TGS1: variants seen among roughly 807,000 people sequenced by gnomAD.
TGS1 encodes trimethylguanosine synthase 1.
TGS1 carries 69 observed loss-of-function variants against 92.2 expected under a neutral mutation model. The observed-to-expected ratio is 0.75, with a 90% CI of 0.62 to 0.91. The LOEUF (loss-of-function observed/expected upper bound fraction) is 0.91. Ranked by LOEUF, TGS1 falls within the 40% of genes least tolerant of loss-of-function variation. The pLI is 0.00. For synonymous variants in TGS1, 345 were observed against 338.1 expected (o/e 1.02, Z -0.22); for missense variants, 1,062 against 1,001.2 (o/e 1.06, Z -0.82).
intron 12 of TGS1, among the ~76,000 whole-genome samples, chr8:55,820,210 G>T (rs771287444): frequency 5.3e-5 from 8 of 151,900 alleles, no homozygotes; most frequent in Non-Finnish European, 7.4e-5. Context: ...TCTCTCATTC[G>T]GTTATCGTGC....
intron 1 of TGS1, among the ~76,000 whole-genome samples, chr8:55,777,897 T>C (rs1811444393): frequency 2.0e-5 from 1 of 49,264 alleles, no homozygotes. Context: ...GTCAGAATAA[T>C]TTAAATTTTT....
intron 1 of TGS1, among the ~76,000 whole-genome samples, chr8:55,781,332 C>T (rs79132444): frequency 2.0e-5 from 3 of 151,974 alleles, no homozygotes; most frequent in South Asian, 2.1e-4. Flanking sequence ...GCCCACCTTG[C>T]TTTTAAATAA....
Position 55,805,055 on chromosome 8 carries a change from A to C in TGS1, c.2143+19A>C, listed in dbSNP as rs1355850908. ...ATGAGAGGTAATTAGCCATCAATGG[A>C]AGTGAACTATTTTATGTCCAGTTAA... On this transcript the variant is annotated intron_variant, in intron 10 of 12. Coordinates refer to ENST00000260129, the MANE Select transcript of TGS1 (RefSeq NM_024831.8). 1.9e-6 allele frequency: 3 copies of C among 1,611,064 alleles called. No homozygotes were observed. The highest frequency in any genetic ancestry group is 2.5e-6 in the Non-Finnish European group (3 of 1,178,072).
intron 1 of TGS1, among the ~76,000 whole-genome samples, chr8:55,779,139 T>C (rs2130102766): frequency 6.6e-6 from 1 of 152,310 alleles, no homozygotes; most frequent in South Asian, 2.1e-4. Flanking sequence ...TTATGCTCTG[T>C]GGATTAAGGT....
chr8:55,776,986 T>A (rs1357043716), intron 1 of TGS1, among the ~76,000 whole-genome samples: 1 of 151,976 alleles, frequency 6.6e-6, no homozygotes, highest in Admixed American at 6.6e-5. Context: ...TCTTGGGTGT[T>A]TTTTTTGTTT....
Position 55,824,674 on chromosome 8 carries a change from C to G in TGS1, c.2533C>G (p.Leu845Val), listed in dbSNP as rs752936502. ...LKTITAYFGD[L>V]IRRPASET ...GACAATCACTGCATATTTTGGTGACCTAATTCGAAGACCAGCCTCTGAAAC... is the reference window on the plus strand; with the variant it reads ...GACAATCACTGCATATTTTGGTGACGTAATTCGAAGACCAGCCTCTGAAAC... The change falls in exon 13 of 13, where the codon CTA becomes GTA. Residue 845 changes from leucine (L) to valine (V), a missense_variant. Transcript: ENST00000260129. 1.4e-5 allele frequency: 22 copies of G among 1,614,168 alleles called. No homozygotes were observed. Among genetic ancestry groups the G allele is most frequent in the Non-Finnish European group, 1.8e-5 (21 of 1,180,014 alleles).
rs776478070 is a variant in TGS1, at chr8:55,798,969, A to G, written c.1598A>G (p.Glu533Gly). The change falls in exon 8 of 13, where the codon GAA becomes GGA. Residue 533 changes from glutamate to glycine, a missense_variant. By Grantham distance (98) the Glu-to-Gly change is moderately conservative. Coordinates refer to ENST00000260129, the MANE Select transcript of TGS1 (RefSeq NM_024831.8). ...NKPMDEEASQESSSHDNVHDA... is the reference protein window; with the variant it reads ...NKPMDEEASQGSSSHDNVHDA... ...CCAATGGATGAAGAAGCATCACAGG[A>G]ATCATCTTCTCATGACAATGTGCAC... 9 of 1,613,704 alleles carry G rather than the reference A, an allele frequency of 5.6e-6. No homozygotes were observed.
At chr8:55,819,588 G>A (rs986558184) in intron 12 of TGS1, among the ~76,000 whole-genome samples, 53 of 151,842 alleles carry the variant, frequency 3.5e-4, no homozygotes, top group Admixed American at 2.0e-3. Context: ...GTGAGCCACT[G>A]TGCCTGGCTG....
intron 12 of TGS1, among the ~76,000 whole-genome samples, chr8:55,820,699 G>T (rs1803613634): frequency 1.3e-5 from 2 of 152,168 alleles, no homozygotes; most frequent in African/African-American, 2.4e-5. Context: ...ATCTAGTCAA[G>T]AGTTCAGTCC....
In TGS1 at chr8:55,804,193, C is replaced by A. The variant is rs927551395; in HGVS notation, c.2000-700C>A. ...TGGTGGCTCATGCCTGTAATCCCAGCACTTTGGGAGGCTGAGGCAGGCAAA... is the reference window on the plus strand; with the variant it reads ...TGGTGGCTCATGCCTGTAATCCCAGAACTTTGGGAGGCTGAGGCAGGCAAA... On this transcript the variant is annotated intron_variant, in intron 9 of 12. Coordinates refer to ENST00000260129, the MANE Select transcript of TGS1 (RefSeq NM_024831.8). Among the ~76,000 whole-genome samples the A allele has an allele frequency of 2.0e-5, 3 of 152,262 alleles. No individual in the cohort carries two copies. The East Asian group carries it at 5.8e-4, about 29-fold the overall frequency.
chr8:55,786,568 T>C lies in TGS1; in HGVS notation c.670T>C (p.Ser224Pro). 1 of 1,614,174 alleles carries C rather than the reference T, an allele frequency of 6.2e-7. No individual in the cohort carries two copies. The highest frequency in any genetic ancestry group is 8.5e-7 in the Non-Finnish European group (1 of 1,180,028). Reference sequence around the variant, plus strand: ...AGAAAAACATCCGGGTCAAGCACTATCTTCTGAACCTTGGAACTTTCCTGA... The same window carrying C: ...AGAAAAACATCCGGGTCAAGCACTACCTTCTGAACCTTGGAACTTTCCTGA... ...WQEKHPGQAL[S>P]SEPWNFPDTK... The change falls in exon 4 of 13, where the codon TCT (serine) becomes CCT (proline). Residue 224 changes from serine (S) to proline (P), a missense_variant. Ser to Pro is a moderately conservative substitution (Grantham distance 74). Coordinates refer to ENST00000260129, the MANE Select transcript of TGS1 (RefSeq NM_024831.8).
chr8:55,790,350 T>C, intron 5 of TGS1, 51 bp downstream of exon 5: 1 of 1,143,744 alleles, frequency 8.7e-7, no homozygotes, highest in Non-Finnish European at 1.3e-6. Context: ...TAAGCATTTG[T>C]ATGCATAAGC....
chr8:55,812,275 C>T (rs373475087), intron 11 of TGS1, among the ~76,000 whole-genome samples: 47 of 152,154 alleles, frequency 3.1e-4, no homozygotes, highest in Middle Eastern at 6.8e-3. Flanking sequence ...CGCCTGTACT[C>T]CTGGCACTTT....
At chr8:55,774,865 T>C (rs1239996899) in intron 1 of TGS1, among the ~76,000 whole-genome samples, 1 of 152,108 alleles carries the variant, frequency 6.6e-6, no homozygotes, top group African/African-American at 2.4e-5. Context: ...GGGGATAAAT[T>C]GGGGTGAGTT....
intron 12 of TGS1, among the ~76,000 whole-genome samples, chr8:55,822,714 G>A (rs1334686851): frequency 2.6e-5 from 4 of 151,618 alleles, no homozygotes; most frequent in Admixed American, 6.6e-5. Context: ...AATAGTGGGG[G>A]GGGTGCTTTT....
intron 12 of TGS1, among the ~76,000 whole-genome samples, chr8:55,821,628 C>CT (rs1398360190): frequency 6.6e-6 from 1 of 152,114 alleles, no homozygotes; most frequent in African/African-American, 2.4e-5. Flanking sequence ...AATCCCAGCA[C>CT]TTTGGGAGGC....
chr8:55,795,916 TC>T, intron 6 of TGS1, 61 bp from the exon 7 acceptor site: 1 of 1,274,342 alleles, frequency 7.8e-7, no homozygotes, highest in Non-Finnish European at 1.1e-6. Context: ...CATCCTCTTT[TC>T]CTATAAGGAA....
intron 9 of TGS1, among the ~76,000 whole-genome samples, chr8:55,804,014 G>C (rs1241209300): frequency 6.6e-6 from 1 of 152,214 alleles, no homozygotes; most frequent in Non-Finnish European, 1.5e-5. Flanking sequence ...AAGGAGGTCA[G>C]TATTCTCTTT....
At position 55,823,441 on chromosome 8, in the gene TGS1, G is replaced by A. The variant is rs139180094; in HGVS notation, c.2440-1140G>A. Among the ~76,000 whole-genome samples the A allele has an allele frequency of 3.1e-3, 475 of 152,270 alleles. 4 individuals carry two copies. Among genetic ancestry groups the A allele is most frequent in the Middle Eastern group, 6.8e-3 (2 of 294 alleles). On this transcript the variant is annotated intron_variant, in intron 12 of 12. Coordinates refer to ENST00000260129, the MANE Select transcript of TGS1 (RefSeq NM_024831.8). ...TTTCAGCTTCCTAATAAAGGAGTTA[G>A]TCACTATATTCTAGTAGACCTCATA...
Sources: gnomAD v4.1 joint callset for allele counts (sites outside exome capture counted in the v4.1 genomes callset) on GRCh38, gnomAD v4.1.1 for gene constraint, MANE v1.5 for transcripts, NCBI Gene and HGNC (gene_info 2026-07-23, HGNC 2026-07-21) for gene names.